The following TESMIN variants were observed in gnomAD, a reference collection of about 807,000 sequenced individuals.
TESMIN encodes the protein testis expressed metallothionein like protein.
Under a neutral mutation model 47.4 loss-of-function variants are expected in TESMIN, and 34 were observed. That is an observed-to-expected ratio of 0.72 (90% CI 0.55 to 0.96). The LOEUF (loss-of-function observed/expected upper bound fraction) is 0.96. TESMIN is among the 40% of genes least tolerant of loss of function. TESMIN has a pLI of 0.00. For missense variants in TESMIN, 610 were observed against 637.2 expected, an observed-to-expected ratio of 0.96 and a Z score of 0.46; for synonymous variants, 278 against 258.9, an observed-to-expected ratio of 1.07 and a Z score of -0.71.
At chr11:68,734,648 C>T (rs907797830) in intron 6 of TESMIN, among the ~76,000 whole-genome samples, 5 of 152,346 alleles carry the variant, frequency 3.3e-5, no homozygotes, top group South Asian at 2.1e-4. Context: ...ATCTCTGCAA[C>T]GCACTGGCCA....
intron 6 of TESMIN, among the ~76,000 whole-genome samples, chr11:68,731,962 T>G (rs1363445907): frequency 6.6e-6 from 1 of 152,242 alleles, no homozygotes; most frequent in Non-Finnish European, 1.5e-5. Flanking sequence ...CCTTTTCCAG[T>G]GCCCAAAATG....
chr11:68,747,795 T>C (rs1423364649), intron 2 of TESMIN, among the ~76,000 whole-genome samples: 1 of 151,978 alleles, frequency 6.6e-6, no homozygotes, highest in African/African-American at 2.4e-5. Flanking sequence ...TGGTGGAGAG[T>C]AGGGAGTGGC....
At chr11:68,722,657 A>G (rs1377498801) in intron 6 of TESMIN, among the ~76,000 whole-genome samples, 1 of 152,222 alleles carries the variant, frequency 6.6e-6, no homozygotes, top group Non-Finnish European at 1.5e-5. Context: ...TATTTAACCT[A>G]CAGAAGACAC....
At chr11:68,749,758 G>GA (rs141911007) in intron 2 of TESMIN, among the ~76,000 whole-genome samples, 12,163 of 148,802 alleles carry the variant, frequency 0.082, 573 homozygotes, top group Middle Eastern at 0.14. Flanking sequence ...AAAGTTAAAG[G>GA]AAAAAAAAAA....
chr11:68,736,369 T>C, intron 6 of TESMIN: 1 of 985,470 alleles, frequency 1.0e-6, no homozygotes, highest in Middle Eastern at 5.2e-4. Context: ...ACACTCAGCC[T>C]GCTGGCCTCC....
chr11:68,737,355 CA>C (rs555049070), intron 6 of TESMIN: 96 of 985,452 alleles, frequency 9.7e-5, no homozygotes, highest in Non-Finnish European at 1.1e-4. Flanking sequence ...GAAACTGAAG[CA>C]GCGGTGCCCA....
intron 6 of TESMIN, among the ~76,000 whole-genome samples, chr11:68,735,602 G>A (rs1457129148): frequency 1.3e-5 from 2 of 152,344 alleles, no homozygotes; most frequent in East Asian, 3.9e-4. Flanking sequence ...CATAGGCAAT[G>A]GAAACATTAG....
chr11:68,729,300 C>T (rs959989441), intron 6 of TESMIN, among the ~76,000 whole-genome samples: 5 of 151,536 alleles, frequency 3.3e-5, no homozygotes, highest in Admixed American at 1.3e-4. Flanking sequence ...CTGAGGCAGG[C>T]GGATCATGAG....
intron 6 of TESMIN, chr11:68,736,973 C>T (rs755501218): frequency 5.0e-5 from 49 of 985,242 alleles, no homozygotes; most frequent in African/African-American, 1.0e-4. Context: ...TGGGAGAGCA[C>T]GCAATTAAAG....
At chr11:68,737,745 C>A (rs1594298363) in intron 6 of TESMIN, 1 of 892,570 alleles carries the variant, frequency 1.1e-6, no homozygotes, top group East Asian at 1.2e-4. Flanking sequence ...AACCCAGTCT[C>A]TACTAAAAAA....
chr11:68,717,590 G>A (rs1566314110), intron 6 of TESMIN, among the ~76,000 whole-genome samples: 2 of 152,228 alleles, frequency 1.3e-5, no homozygotes, highest in Non-Finnish European at 1.5e-5. Flanking sequence ...GCAGAGGGGC[G>A]AGAGAACTGG....
intron 6 of TESMIN, among the ~76,000 whole-genome samples, chr11:68,718,083 G>A (rs567552720): frequency 1.4e-5 from 2 of 144,770 alleles, no homozygotes; most frequent in Admixed American, 6.7e-5. Context: ...TGCACCTGCA[G>A]GCCCAGTCAG....
intron 2 of TESMIN, among the ~76,000 whole-genome samples, chr11:68,747,853 T>C (rs1946541061): frequency 6.6e-6 from 1 of 152,048 alleles, no homozygotes; most frequent in Admixed American, 6.6e-5. Flanking sequence ...GTCAACCCGA[T>C]GACAAAATTA....
chr11:68,730,453 G>C (rs1946313674), intron 6 of TESMIN, among the ~76,000 whole-genome samples: 1 of 152,160 alleles, frequency 6.6e-6, no homozygotes, highest in African/African-American at 2.4e-5. Flanking sequence ...ATACAAAAAT[G>C]ATTAAGAAAG....
chr11:68,715,863 C>A lies in TESMIN; in HGVS notation c.994G>T (p.Asp332Tyr). The A allele has an allele frequency of 6.2e-7, 1 of 1,611,356 alleles. No individual in the cohort carries two copies. Among genetic ancestry groups the A allele is most frequent in the African/African-American group, 1.3e-5 (1 of 74,980 alleles). ...CNNCCNNLHH[D>Y]IERFKAIKAC... ...TTAATGGCTTTAAACCGTTCAATAT[C>A]ATGATGCAAGTTGTTGCAACAATTA... The change falls in exon 7 of 10, where the codon GAT becomes TAT. Residue 332 changes from aspartate (D) to tyrosine (Y), a missense_variant. Coordinates refer to ENST00000255087, the MANE Select transcript of TESMIN (RefSeq NM_004923.3).
At chr11:68,713,177 T>G (rs1254826082) in intron 8 of TESMIN, 93 bp downstream of exon 8, 2 of 1,293,834 alleles carry the variant, frequency 1.5e-6, no homozygotes, top group East Asian at 5.0e-5. Flanking sequence ...ATATTTATCT[T>G]TTTAAATTAC....
intron 4 of TESMIN, among the ~76,000 whole-genome samples, chr11:68,743,716 C>T (rs981461904): frequency 2.0e-5 from 3 of 152,212 alleles, no homozygotes; most frequent in Middle Eastern, 6.8e-3. Flanking sequence ...GGTGTGTAAG[C>T]CTCTGTGCTC....
intron 6 of TESMIN, among the ~76,000 whole-genome samples, chr11:68,735,305 C>A (rs188008700): frequency 4.8e-4 from 73 of 152,232 alleles, no homozygotes; most frequent in African/African-American, 1.8e-3. Flanking sequence ...TGAGCTGGGG[C>A]ACAGGGTGGC....
rs1053345140 is a variant in TESMIN, at chr11:68,711,173, G to A, written c.1159-124C>T. ...TGCCCATGACAGAGAGTGTGTGTGT[G>A]TCTGTGTGTGTTGAGTGTGAATGTG... On this transcript the variant is annotated intron_variant, in intron 8 of 9. Transcript: ENST00000255087. 3.6e-6 allele frequency: 3 copies of A among 823,100 alleles called. No individual in the cohort carries two copies. The African/African-American group carries it at 5.2e-5, about 14-fold the overall frequency. 51.0% of individuals were successfully genotyped at this position (823,100 alleles called of 1,614,324 possible). A position where few individuals can be genotyped will look rare whatever the true frequency, so the allele number is the denominator to read the frequency against.
Sources: gnomAD v4.1 joint callset for allele counts (sites outside exome capture counted in the v4.1 genomes callset) on GRCh38, gnomAD v4.1.1 for gene constraint, MANE v1.5 for transcripts, NCBI Gene and HGNC (gene_info 2026-07-23, HGNC 2026-07-21) for gene names.